The following SRRD variants were observed in gnomAD, a reference collection of about 807,000 sequenced individuals.
The protein encoded by SRRD is SRR1 domain containing, also known as SRR1-like protein.
A neutral mutation model predicts 30.7 loss-of-function variants in SRRD; 28 were observed. That is an observed-to-expected ratio of 0.91 (90% confidence interval 0.68 to 1.25). The LOEUF (loss-of-function observed/expected upper bound fraction) is 1.25, where lower values mean the gene tolerates loss of function less well. SRRD is among the 50% of genes most tolerant of loss of function. SRRD has a pLI of 0.00. For synonymous variants in SRRD, 161 were observed against 159.6 expected, an observed-to-expected ratio of 1.01 and a Z score of -0.07; for missense variants, 415 against 417.3, an observed-to-expected ratio of 0.99 and a Z score of 0.05.
intron 1 of SRRD, among the ~76,000 whole-genome samples, chr22:26,484,743 A>G (rs1316148696): frequency 6.6e-6 from 1 of 152,220 alleles, no homozygotes; most frequent in Non-Finnish European, 1.5e-5. Flanking sequence ...CCCAGCCCAG[A>G]TTCTCACATA....
At position 26,488,545 on chromosome 22, in the gene SRRD, C is replaced by T. The variant is rs1602182326; in HGVS notation, c.609+57C>T. The T allele has an allele frequency of 7.5e-6, 10 of 1,338,678 alleles. No individual in the cohort carries two copies. In the East Asian group the frequency reaches 2.3e-4, roughly 31 times the overall value. 82.9% of individuals were successfully genotyped at this position (1,338,678 alleles called of 1,614,324 possible). On this transcript the variant is annotated intron_variant, in intron 4 of 6. Coordinates refer to ENST00000215917, the MANE Select transcript of SRRD (RefSeq NM_001013694.3). ...GTAAAAATCCTGACCAGACTCACCC[C>T]AGGCCCTGCCTGTGGACACCAGCAT...
chr22:26,494,639 T>A lies in SRRD; in HGVS notation c.*2967T>A. 1 of 1,057,974 alleles carries A rather than the reference T, an allele frequency of 9.5e-7. No individual in the cohort carries two copies. Among genetic ancestry groups the A allele is most frequent in the Non-Finnish European group, 1.3e-6 (1 of 742,642 alleles). 65.5% of individuals were successfully genotyped at this position (1,057,974 alleles called of 1,614,324 possible). ...CTTCTGATACATGGCAAATGTCCAA[T>A]AAATGGTGCCCACTATGAAGATGAC... is the stretch of plus-strand genomic sequence containing the variant. On this transcript the variant is annotated 3_prime_UTR_variant, in exon 7 of 7. Coordinates refer to ENST00000215917, the MANE Select transcript of SRRD (RefSeq NM_001013694.3).
rs554588132 is a variant in SRRD at position 26,484,114 on chromosome 22, G to T, written c.209+15G>T. On this transcript the variant is annotated intron_variant, in intron 1 of 6. Transcript: ENST00000215917. ...TGGGAGGCTGAGTGAGTGCAGGCTC[G>T]GCCCTGATGGAATCTTTGCGCCCAT... 1 of 1,524,582 alleles carries T rather than the reference G, an allele frequency of 6.6e-7. No individual in the cohort carries two copies. Among genetic ancestry groups the T allele is most frequent in the East Asian group, 2.6e-5 (1 of 39,156 alleles). The allele number at this position is 1,524,582 out of a possible 1,614,324, so 94.4% of individuals were successfully genotyped here. A position where few individuals can be genotyped will look rare whatever the true frequency, so the allele number is the denominator to read the frequency against.
Position 26,494,553 on chromosome 22 carries a change from C to T in SRRD, c.*2881C>T, listed in dbSNP as rs769478816. The T allele has an allele frequency of 4.3e-6, 3 of 700,286 alleles. No individual in the cohort carries two copies. Among genetic ancestry groups the T allele is most frequent in the Non-Finnish European group, 7.0e-6 (3 of 427,004 alleles). 43.4% of individuals were successfully genotyped at this position (700,286 alleles called of 1,614,324 possible). A position where few individuals can be genotyped will look rare whatever the true frequency, so the allele number is the denominator to read the frequency against. ...TGTCTACACAACAGGGATACCATAT[C>T]CCCTACCCCATAGGGTTGCTGAGAG... On this transcript the variant is annotated 3_prime_UTR_variant, in exon 7 of 7. Coordinates refer to ENST00000215917, the MANE Select transcript of SRRD (RefSeq NM_001013694.3).
intron 2 of SRRD, 170 bp from the exon 3 acceptor site, chr22:26,487,858 TC>T (rs2091719613): frequency 2.9e-6 from 2 of 690,102 alleles, no homozygotes; most frequent in African/African-American, 3.6e-5. Context: ...TGACTGTATG[TC>T]CAGGCATGTT....
rs1269507713 is a variant in SRRD at position 26,491,527 on chromosome 22, A to G, written c.875A>G (p.Asp292Gly). Reference sequence around the variant, plus strand: ...TCACAATACATGGACATATTTAATGATACCTCTGTCCACTGGTTCCCTGTG... The same window carrying G: ...TCACAATACATGGACATATTTAATGGTACCTCTGTCCACTGGTTCCCTGTG... Reference protein sequence around the residue: ...QTSQYMDIFNDTSVHWFPVQK... With the variant: ...QTSQYMDIFNGTSVHWFPVQK... The change falls in exon 7 of 7, where the codon GAT becomes GGT. Residue 292 changes from aspartate (D) to glycine (G), a missense_variant. Asp to Gly is a moderately conservative substitution (Grantham distance 94). Transcript: ENST00000215917. 3 of 1,613,946 alleles carry G rather than the reference A, an allele frequency of 1.9e-6. No individual in the cohort carries two copies. The South Asian group carries it at 3.3e-5, about 18-fold the overall frequency.
Position 26,494,572 on chromosome 22 carries a change from CT to C in SRRD, c.*2901del. On this transcript the variant is annotated 3_prime_UTR_variant, in exon 7 of 7. Coordinates refer to ENST00000215917, the MANE Select transcript of SRRD (RefSeq NM_001013694.3). ...CCATATCCCCTACCCCATAGGGTTG[CT>C]GAGAGGAGCTGAGATAAAGCAAATA... 1.4e-6 allele frequency: 1 copy of C among 712,224 alleles called. No homozygotes were observed. The allele number at this position is 712,224 out of a possible 1,614,324, so 44.1% of individuals were successfully genotyped here. A position where few individuals can be genotyped will look rare whatever the true frequency, so the allele number is the denominator to read the frequency against.
rs1921222891 is a variant in SRRD at position 26,491,817 on chromosome 22, C to T, written c.*145C>T. The T allele has an allele frequency of 1.1e-6, 1 of 919,352 alleles. No individual in the cohort carries two copies. The highest frequency in any genetic ancestry group is 1.6e-6 in the Non-Finnish European group (1 of 622,748). The allele number at this position is 919,352 out of a possible 1,614,324, so 56.9% of individuals were successfully genotyped here. On this transcript the variant is annotated 3_prime_UTR_variant, in exon 7 of 7. Coordinates refer to ENST00000215917, the MANE Select transcript of SRRD (RefSeq NM_001013694.3). ...GTCCTGTTTTGAGGACGATACCCCA[C>T]ATGAGGACTTGGTATAAAGATTCCT...
Position 26,494,266 on chromosome 22 carries a change from CTCA to C in SRRD, c.*2596_*2598del. On this transcript the variant is annotated 3_prime_UTR_variant, in exon 7 of 7. Transcript: ENST00000215917. Reference sequence around the variant, plus strand: ...AACCCAGGTACCACTTGGTGATCTCCTCATAATTTGGGCTGTTACTGAGCCAAG... The same window carrying C: ...AACCCAGGTACCACTTGGTGATCTCCTAATTTGGGCTGTTACTGAGCCAAG... 2 of 1,614,226 alleles carry C rather than the reference CTCA, an allele frequency of 1.2e-6. No individual in the cohort carries two copies. The highest frequency in any genetic ancestry group is 1.7e-6 in the Non-Finnish European group (2 of 1,180,050).
intron 1 of SRRD, among the ~76,000 whole-genome samples, chr22:26,485,165 C>T (rs13054869): frequency 0.05 from 7,611 of 152,308 alleles, 244 homozygotes; most frequent in African/African-American, 0.078. Context: ...ACGATCTCCT[C>T]AACTGCTTCA....
chr22:26,486,017 C>T lies in SRRD; in HGVS notation c.210-6C>T. On this transcript the variant is annotated splice_region_variant and splice_polypyrimidine_tract_variant and intron_variant, in intron 1 of 6. Transcript: ENST00000215917. ...GACATGACTGTGCCATTTTTTTTCT[C>T]AACAGGAAGGACCTGTTTATCTCTG... 1 of 1,613,936 alleles carries T rather than the reference C, an allele frequency of 6.2e-7. No homozygotes were observed. The highest frequency in any genetic ancestry group is 8.5e-7 in the Non-Finnish European group (1 of 1,179,926).
In SRRD at chr22:26,494,619, G is replaced by C. The variant is rs915999541; in HGVS notation, c.*2947G>C. 2.0e-5 allele frequency: 19 copies of C among 928,698 alleles called. 1 individual carries two copies. Among genetic ancestry groups the C allele is most frequent in the Admixed American group, 1.7e-4 (6 of 36,202 alleles). The allele number at this position is 928,698 out of a possible 1,614,324, so 57.5% of individuals were successfully genotyped here. ...AAATAAAGTGCTTGGAACAGCTTCT[G>C]ATACATGGCAAATGTCCAATAAATG... On this transcript the variant is annotated 3_prime_UTR_variant, in exon 7 of 7. Transcript: ENST00000215917.
chr22:26,492,534 G>T lies in SRRD; in HGVS notation c.*862G>T. On this transcript the variant is annotated 3_prime_UTR_variant, in exon 7 of 7. Transcript: ENST00000215917. ...TGGAGGAAGTTTAGACGACTGGCCA[G>T]TATCACATAAAAACTGTTCAGAAGG... 1 of 622,484 alleles carries T rather than the reference G, an allele frequency of 1.6e-6. No homozygotes were observed. 38.6% of individuals were successfully genotyped at this position (622,484 alleles called of 1,614,324 possible).
In SRRD at chr22:26,488,163, A is replaced by G. The variant is rs763133019; in HGVS notation, c.385A>G (p.Arg129Gly). Residue 129 changes from arginine (R) to glycine (G), a missense_variant, in exon 3 of 7, where the codon AGA (arginine) becomes GGA (glycine). Coordinates refer to ENST00000215917, the MANE Select transcript of SRRD (RefSeq NM_001013694.3). ...ESDVATDSIP[R>G]EILVTGTCHL... ...AGATGTGGCCACTGATTCTATCCCAAGAGAGATCTTGGTCACAGGAACCTG... is the reference window on the plus strand; with the variant it reads ...AGATGTGGCCACTGATTCTATCCCAGGAGAGATCTTGGTCACAGGAACCTG... The G allele has an allele frequency of 2.5e-6, 4 of 1,614,218 alleles. No homozygotes were observed. The South Asian group carries it at 4.4e-5, about 18-fold the overall frequency.
Position 26,488,118 on chromosome 22 carries a change from G to C in SRRD, c.340G>C (p.Asp114His), listed in dbSNP as rs1014697314. 25 of 1,614,070 alleles carry C rather than the reference G, an allele frequency of 1.5e-5. No homozygotes were observed. The highest frequency in any genetic ancestry group is 1.8e-5 in the Non-Finnish European group (21 of 1,180,042). Residue 114 changes from aspartate to histidine, a missense_variant, in exon 3 of 7, where the codon GAC (aspartate) becomes CAC (histidine). By Grantham distance (81) the Asp-to-His change is moderately conservative. Transcript: ENST00000215917. ...AGACATCTTTGGAAACCTGCATCTT[G>C]ACTCATTGCCAGAGGAGTCAGATGT... Reference protein sequence around the residue: ...LSDIFGNLHLDSLPEESDVAT... With the variant: ...LSDIFGNLHLHSLPEESDVAT...
At chr22:26,486,734 C>A (rs1378450429) in intron 2 of SRRD, among the ~76,000 whole-genome samples, 1 of 152,050 alleles carries the variant, frequency 6.6e-6, no homozygotes, top group Non-Finnish European at 1.5e-5. Context: ...AAAGCTTTTA[C>A]CAAACTTAGG....
intron 1 of SRRD, among the ~76,000 whole-genome samples, chr22:26,484,591 G>A (rs950858534): frequency 1.3e-5 from 2 of 152,254 alleles, no homozygotes; most frequent in East Asian, 1.9e-4. Context: ...CACACTTTAT[G>A]TTAAACATTG....
chr22:26,491,539 A>G lies in SRRD; in HGVS notation c.887A>G (p.His296Arg). ...YMDIFNDTSVHWFPVQKLEQL... is the reference protein window; with the variant it reads ...YMDIFNDTSVRWFPVQKLEQL... ...GACATATTTAATGATACCTCTGTCC[A>G]CTGGTTCCCTGTGCAAAAGCTAGAA... The change falls in exon 7 of 7, where the codon CAC (histidine) becomes CGC (arginine). Residue 296 changes from histidine (H) to arginine (R), a missense_variant. Coordinates refer to ENST00000215917, the MANE Select transcript of SRRD (RefSeq NM_001013694.3). 5 of 1,614,134 alleles carry G rather than the reference A, an allele frequency of 3.1e-6. No homozygotes were observed. The highest frequency in any genetic ancestry group is 4.2e-6 in the Non-Finnish European group (5 of 1,179,986).
In SRRD at chr22:26,490,125, T is replaced by A; in HGVS notation, c.691T>A (p.Trp231Arg). 1 of 1,614,174 alleles carries A rather than the reference T, an allele frequency of 6.2e-7. No homozygotes were observed. Among genetic ancestry groups the A allele is most frequent in the Non-Finnish European group, 8.5e-7 (1 of 1,180,030 alleles). The change falls in exon 5 of 7, where the codon TGG (tryptophan) becomes AGG (arginine). Residue 231 changes from tryptophan (W) to arginine (R), a missense_variant. Trp to Arg is a moderately radical substitution (Grantham distance 101, BLOSUM62 -3). Transcript: ENST00000215917. The part of the protein sequence containing the change: ...CGTALYNNLL[W>R]SNWSVDALSK... ...GACGGCCTTGTACAACAATCTTTTA[T>A]GGAGTAACTGGTCAGTAGATGCCCT...
Sources: allele counts gnomAD v4.1 joint callset (sites outside exome capture counted in the v4.1 genomes callset), GRCh38; gene constraint gnomAD v4.1.1; transcripts MANE v1.5; gene names NCBI Gene and HGNC (gene_info 2026-07-23, HGNC 2026-07-21).